The following PPARGC1A variants were observed in gnomAD, a reference collection of about 807,000 sequenced individuals.
PPARGC1A encodes PPARG coactivator 1 alpha.
A neutral mutation model predicts 88.7 loss-of-function variants in PPARGC1A; 25 were observed. That is an observed-to-expected ratio of 0.28 (90% CI 0.21 to 0.39). The LOEUF (loss-of-function observed/expected upper bound fraction) is 0.39. PPARGC1A is among the 10% of genes least tolerant of loss of function. The pLI is 1.00. For missense variants in PPARGC1A, 880 were observed against 968.7 expected, an observed-to-expected ratio of 0.91 and a Z score of 1.22; for synonymous variants, 363 against 355.6, an observed-to-expected ratio of 1.02 and a Z score of -0.24.
At chr4:24,061,273 C>G in the PPARGC1A span, among the ~76,000 whole-genome samples, 1 of 152,174 alleles carries the variant, frequency 6.6e-6, no homozygotes, top group Non-Finnish European at 1.5e-5. Flanking sequence ...TGCCGAAGAA[C>G]AGCCACCTTG....
the PPARGC1A span, among the ~76,000 whole-genome samples, chr4:24,137,082 C>G: frequency 1.3e-5 from 2 of 150,148 alleles, no homozygotes; most frequent in South Asian, 4.2e-4. Context: ...CCACTGCACT[C>G]CAGCCCGGGT....
At chr4:24,241,493 T>A in the PPARGC1A span, among the ~76,000 whole-genome samples, 3 of 152,232 alleles carry the variant, frequency 2.0e-5, no homozygotes, top group Non-Finnish European at 4.4e-5. Flanking sequence ...TTTTGCATCC[T>A]TATTGGTCAA....
upstream of PPARGC1A, among the ~76,000 whole-genome samples, chr4:23,908,651 C>T: frequency 6.6e-6 from 1 of 152,130 alleles, no homozygotes; most frequent in Non-Finnish European, 1.5e-5. Context: ...TTTATTCTTC[C>T]CTACATGAAC....
chr4:23,844,703 CATAATATATGAT>C (rs1727834613), intron 2 of PPARGC1A, among the ~76,000 whole-genome samples: 1 of 84,480 alleles, frequency 1.2e-5, no homozygotes, highest in African/African-American at 5.4e-5. Flanking sequence ...TATGATCTAT[CATAATATATGAT>C]ATATATTATT....
chr4:24,261,326 G>T, the PPARGC1A span, among the ~76,000 whole-genome samples: 1 of 152,066 alleles, frequency 6.6e-6, no homozygotes, highest in South Asian at 2.1e-4. Context: ...AGAGCAAATG[G>T]CTCAATCTTC....
At chr4:24,193,119 C>T in the PPARGC1A span, among the ~76,000 whole-genome samples, 1,101 of 152,298 alleles carry the variant, frequency 7.2e-3, 16 homozygotes, top group African/African-American at 0.025. Context: ...ACTTTTCTCA[C>T]AAATATCAAA....
the PPARGC1A span, among the ~76,000 whole-genome samples, chr4:24,268,467 C>T: frequency 6.6e-6 from 1 of 152,178 alleles, no homozygotes; most frequent in Non-Finnish European, 1.5e-5. Flanking sequence ...AAACCCCCTA[C>T]CACTGATGGA....
At chr4:23,918,954 C>T in the PPARGC1A span, among the ~76,000 whole-genome samples, 1 of 151,996 alleles carries the variant, frequency 6.6e-6, no homozygotes. Context: ...GTTTATTCTG[C>T]TGGTTCTCTG....
chr4:24,264,233 G>A, the PPARGC1A span, among the ~76,000 whole-genome samples: 13 of 151,636 alleles, frequency 8.6e-5, no homozygotes, highest in Admixed American at 6.5e-4. Context: ...TCAATGGTGT[G>A]GAGGGTTGGC....
At chr4:24,266,339 GCT>G in the PPARGC1A span, among the ~76,000 whole-genome samples, 1 of 152,104 alleles carries the variant, frequency 6.6e-6, no homozygotes, top group African/African-American at 2.4e-5. Context: ...AAATGCAGCT[GCT>G]CTGTTAGATT....
At chr4:23,843,765 T>C (rs1727482292) in intron 2 of PPARGC1A, among the ~76,000 whole-genome samples, 3 of 152,066 alleles carry the variant, frequency 2.0e-5, no homozygotes, top group African/African-American at 2.4e-5. Flanking sequence ...AAGGTTGAGA[T>C]GCTAGAGTTA....
the PPARGC1A span, among the ~76,000 whole-genome samples, chr4:24,374,542 C>T: frequency 6.7e-6 from 1 of 149,620 alleles, no homozygotes; most frequent in Non-Finnish European, 1.5e-5. Context: ...GCACGTGTAC[C>T]CCTGAACTTA....
chr4:24,004,456 G>A, the PPARGC1A span, among the ~76,000 whole-genome samples: 2 of 152,164 alleles, frequency 1.3e-5, no homozygotes, highest in South Asian at 4.1e-4. Context: ...CAATGAAAAA[G>A]TAGTAAAGTC....
the PPARGC1A span, among the ~76,000 whole-genome samples, chr4:24,229,926 T>C: frequency 6.6e-6 from 1 of 152,054 alleles, no homozygotes; most frequent in Non-Finnish European, 1.5e-5. Flanking sequence ...GATTCCTATT[T>C]CTCTATAAGG....
At chr4:24,343,280 T>G in the PPARGC1A span, among the ~76,000 whole-genome samples, 1 of 152,284 alleles carries the variant, frequency 6.6e-6, no homozygotes. Flanking sequence ...ATGTGGAAAC[T>G]TCATCTCTAA....
At chr4:24,353,816 T>A in the PPARGC1A span, among the ~76,000 whole-genome samples, 1 of 152,194 alleles carries the variant, frequency 6.6e-6, no homozygotes, top group Admixed American at 6.5e-5. Flanking sequence ...CTCTTGATTT[T>A]GATAGGAAAC....
chr4:24,292,357 G>T, the PPARGC1A span, among the ~76,000 whole-genome samples: 2 of 151,938 alleles, frequency 1.3e-5, no homozygotes. Context: ...CTGGTCTAAA[G>T]AAATTGTCAA....
chr4:24,363,464 TATACC>T, the PPARGC1A span, among the ~76,000 whole-genome samples: 1 of 152,198 alleles, frequency 6.6e-6, no homozygotes, highest in Non-Finnish European at 1.5e-5. Flanking sequence ...AGCTCGGTAA[TATACC>T]ATAATGATCC....
chr4:23,869,719 G>A (rs1369331044), intron 2 of PPARGC1A, among the ~76,000 whole-genome samples: 10 of 152,130 alleles, frequency 6.6e-5, no homozygotes, highest in African/African-American at 2.4e-4. Flanking sequence ...TTACGATTTC[G>A]TATGCTCCAG....
Sources: gnomAD v4.1 joint callset for allele counts (sites outside exome capture counted in the v4.1 genomes callset) on GRCh38, gnomAD v4.1.1 for gene constraint, MANE v1.5 for transcripts, NCBI Gene and HGNC (gene_info 2026-07-23, HGNC 2026-07-21) for gene names.